Variants in ZNG1C observed in about 807,000 individuals in gnomAD.
ZNG1C encodes zinc-regulated GTPase metalloprotein activator 1C.
chr9:68,294,054 A>G, the ZNG1C span, among the ~76,000 whole-genome samples: 4 of 152,048 alleles, frequency 2.6e-5, no homozygotes, highest in African/African-American at 4.8e-5. Context: ...ATGCAGATAC[A>G]TGGAATAACC....
At chr9:68,288,363 TTTTG>T in the ZNG1C span, among the ~76,000 whole-genome samples, 2 of 152,210 alleles carry the variant, frequency 1.3e-5, no homozygotes, top group Admixed American at 6.5e-5. Flanking sequence ...GAGGATAGTT[TTTTG>T]TTTGTTTGTT....
the ZNG1C span, among the ~76,000 whole-genome samples, chr9:68,282,601 T>TA: frequency 0.043 from 3,497 of 82,008 alleles, 538 homozygotes; most frequent in African/African-American, 0.12. Context: ...ATGTAGTTTG[T>TA]AAAAAAAAAA....
the ZNG1C span, among the ~76,000 whole-genome samples, chr9:68,291,660 T>C: frequency 2.2e-5 from 3 of 133,804 alleles, 1 homozygote; most frequent in Non-Finnish European, 4.8e-5. Flanking sequence ...AAGTCTCACA[T>C]TTGCAAGTTC....
At chr9:68,251,024 A>G in the ZNG1C span, 1 of 344,850 alleles carries the variant, frequency 2.9e-6, no homozygotes, top group Non-Finnish European at 5.6e-6. Flanking sequence ...GGCTGCAGTG[A>G]GTCATGATTG....
the ZNG1C span, among the ~76,000 whole-genome samples, chr9:68,287,312 T>TAAA: frequency 6.6e-6 from 1 of 151,766 alleles, no homozygotes; most frequent in African/African-American, 2.4e-5. Flanking sequence ...GGAGCTTTTT[T>TAAA]AAAAAAAATT....
the ZNG1C span, among the ~76,000 whole-genome samples, chr9:68,291,477 A>AG: frequency 1.0e-5 from 1 of 98,254 alleles, no homozygotes; most frequent in South Asian, 3.3e-4. Flanking sequence ...TATTTCACTT[A>AG]GTGTAATGTC....
the ZNG1C span, among the ~76,000 whole-genome samples, chr9:68,288,473 G>T: frequency 0.026 from 3,251 of 126,334 alleles, no homozygotes; most frequent in Middle Eastern, 0.072. Context: ...TGTTTTTTTG[G>T]TTTTTTCTGA....
At chr9:68,281,282 G>T in the ZNG1C span, among the ~76,000 whole-genome samples, 1 of 152,282 alleles carries the variant, frequency 6.6e-6, no homozygotes, top group Non-Finnish European at 1.5e-5. Context: ...TGGAAATGGA[G>T]AAATCGCCTG....
chr9:68,266,925 T>C, the ZNG1C span, among the ~76,000 whole-genome samples: 7 of 152,216 alleles, frequency 4.6e-5, no homozygotes, highest in Non-Finnish European at 8.8e-5. Flanking sequence ...CAGGACAATA[T>C]GAATGATGCT....
chr9:68,244,710 T>C, the ZNG1C span, among the ~76,000 whole-genome samples: 6 of 118,242 alleles, frequency 5.1e-5, no homozygotes, highest in East Asian at 8.8e-4. Flanking sequence ...TTTTTTCTAC[T>C]GGAGATTGAC....
chr9:68,294,106 G>T, the ZNG1C span, among the ~76,000 whole-genome samples: 1 of 151,754 alleles, frequency 6.6e-6, no homozygotes, highest in Non-Finnish European at 1.5e-5. Context: ...AATCAAGATG[G>T]AAATGTAAAA....
chr9:68,290,976 C>A, the ZNG1C span, among the ~76,000 whole-genome samples: 1 of 151,124 alleles, frequency 6.6e-6, no homozygotes, highest in Non-Finnish European at 1.5e-5. Context: ...CAAATACTTA[C>A]CATTGTGTTA....
the ZNG1C span, chr9:68,285,210 C>CA: frequency 3.6e-5 from 1 of 28,134 alleles, no homozygotes; most frequent in African/African-American, 1.1e-4. Flanking sequence ...TAGGACCCCC[C>CA]CAAAGAGACT....
chr9:68,293,962 A>G, the ZNG1C span, among the ~76,000 whole-genome samples: 1 of 148,732 alleles, frequency 6.7e-6, no homozygotes, highest in Non-Finnish European at 1.5e-5. Flanking sequence ...AAATTTTAAG[A>G]AAATTAAAAT....
At chr9:68,275,968 G>A in the ZNG1C span, among the ~76,000 whole-genome samples, 2 of 150,476 alleles carry the variant, frequency 1.3e-5, no homozygotes, top group Non-Finnish European at 3.0e-5. Flanking sequence ...AGCACCTGTT[G>A]TTTCCTGACT....
At chr9:68,296,545 G>C in the ZNG1C span, among the ~76,000 whole-genome samples, 1 of 152,296 alleles carries the variant, frequency 6.6e-6, no homozygotes, top group East Asian at 1.9e-4. Flanking sequence ...ATAGTTTTTG[G>C]TCTTTTTGTA....
the ZNG1C span, chr9:68,247,484 A>G: frequency 6.3e-7 from 1 of 1,596,726 alleles, no homozygotes; most frequent in Admixed American, 1.7e-5. Flanking sequence ...CTGCATGAAT[A>G]AAGTGAAAGA....
chr9:68,257,924 C>T, the ZNG1C span, among the ~76,000 whole-genome samples: 17 of 145,176 alleles, frequency 1.2e-4, no homozygotes, highest in African/African-American at 4.4e-4. Context: ...TGGCGGGTAA[C>T]TGGTTGAATT....
At chr9:68,255,462 C>A in the ZNG1C span, among the ~76,000 whole-genome samples, 1 of 149,514 alleles carries the variant, frequency 6.7e-6, no homozygotes, top group East Asian at 2.0e-4. Context: ...CATCTTTACT[C>A]CTCCTAAATA....
Sources: allele counts gnomAD v4.1 joint callset (sites outside exome capture counted in the v4.1 genomes callset), GRCh38; gene constraint gnomAD v4.1.1; transcripts MANE v1.5; gene names NCBI Gene and HGNC (gene_info 2026-07-23, HGNC 2026-07-21).